The following PCNT variants were observed in gnomAD, a reference collection of about 807,000 sequenced individuals.
PCNT encodes kendrin.
Under a neutral mutation model 380.4 loss-of-function variants are expected in PCNT, and 319 were observed. The ratio of observed to expected loss-of-function variants is 0.84; its 90% CI spans 0.77 to 0.92. The LOEUF (loss-of-function observed/expected upper bound fraction) is 0.92. PCNT is among the 40% of genes least tolerant of loss of function. The pLI, the probability that PCNT is intolerant of heterozygous loss-of-function variation, is 0.00. For missense variants in PCNT, 4,400 were observed against 4,255.3 expected (o/e 1.03, Z -0.95); for synonymous variants, 1,845 against 1,735.2 (o/e 1.06, Z -1.57).
Position 46,398,217 on chromosome 21 carries a change from T to C in PCNT, c.4564-18T>C, listed in dbSNP as rs2086272351. The C allele has an allele frequency of 3.1e-6, 5 of 1,608,676 alleles. No homozygotes were observed. Among genetic ancestry groups the C allele is most frequent in the South Asian group, 1.1e-5 (1 of 90,288 alleles). On this transcript the variant is annotated intron_variant, in intron 23 of 46. Transcript: ENST00000359568. ...ACTTTCTTTAAATTTTTGCCTTCCA[T>C]GTACATGAAATCGGCAGCAGGCGCC... is the stretch of plus-strand genomic sequence containing the variant.
At chr21:46,338,436 G>A (rs1474473871) in intron 3 of PCNT, among the ~76,000 whole-genome samples, 1 of 152,130 alleles carries the variant, frequency 6.6e-6, no homozygotes, top group Non-Finnish European at 1.5e-5. Flanking sequence ...AAATCACTTA[G>A]CAAAATGAGT....
At chr21:46,384,799 A>G (rs1048369455) in intron 16 of PCNT, among the ~76,000 whole-genome samples, 1 of 150,634 alleles carries the variant, frequency 6.6e-6, no homozygotes, top group Non-Finnish European at 1.5e-5. Context: ...AAGTGCATTC[A>G]TGGTGTTGTG....
intron 8 of PCNT, among the ~76,000 whole-genome samples, chr21:46,350,277 AC>A (rs1429598725): frequency 1.4e-4 from 22 of 152,264 alleles, no homozygotes; most frequent in African/African-American, 5.3e-4. Context: ...TTTAATAATT[AC>A]GTTCAATCTT....
At chr21:46,368,448 A>G (rs77174413) in intron 15 of PCNT, among the ~76,000 whole-genome samples, 1 of 141,190 alleles carries the variant, frequency 7.1e-6, no homozygotes, top group Non-Finnish European at 1.5e-5. Context: ...ACTCTGTCTC[A>G]AAAAAAAAAA....
rs117450470 is a variant in PCNT, at chr21:46,422,919, A to G, written c.7179+795A>G. Among the ~76,000 whole-genome samples, 1,035 of 152,254 alleles carry G rather than the reference A, an allele frequency of 6.8e-3. 8 individuals carry two copies. The highest frequency in any genetic ancestry group is 0.011 in the Non-Finnish European group (727 of 68,024). On this transcript the variant is annotated intron_variant, in intron 32 of 46. Coordinates refer to ENST00000359568, the MANE Select transcript of PCNT (RefSeq NM_006031.6). ...GTTTCCAAAACCCATCCATGACGTTAAGTGAGGACTTACTGCATTCAGAAT... is the reference window on the plus strand; with the variant it reads ...GTTTCCAAAACCCATCCATGACGTTGAGTGAGGACTTACTGCATTCAGAAT...
At chr21:46,434,555 G>A (rs1418544131) in intron 38 of PCNT, among the ~76,000 whole-genome samples, 2 of 152,234 alleles carry the variant, frequency 1.3e-5, no homozygotes, top group African/African-American at 2.4e-5. Flanking sequence ...AGGCTGCTTC[G>A]TCCTTCCTTG....
In PCNT at chr21:46,363,863, C is replaced by A. The variant is rs1011131062; in HGVS notation, c.2538C>A (p.Ala846=). ...CSQCGREPPT[A]QDGELAALHV... Reference sequence around the variant, plus strand: ...AGTGTGGGCGGGAGCCGCCCACAGCCCAGGACGGGGAGCTTGCTGCGCTCC... The same window carrying A: ...AGTGTGGGCGGGAGCCGCCCACAGCACAGGACGGGGAGCTTGCTGCGCTCC... The change falls in exon 14 of 47, where the codon GCC becomes GCA. Residue 846 remains alanine (A), a synonymous_variant. Transcript: ENST00000359568. 6.2e-7 allele frequency: 1 copy of A among 1,612,394 alleles called. No individual in the cohort carries two copies. The highest frequency in any genetic ancestry group is 8.5e-7 in the Non-Finnish European group (1 of 1,179,372).
intron 29 of PCNT, among the ~76,000 whole-genome samples, chr21:46,415,636 G>C (rs899067158): frequency 3.9e-5 from 6 of 152,066 alleles, no homozygotes; most frequent in African/African-American, 1.4e-4. Flanking sequence ...ACCTGTCTCA[G>C]CCTCCCAAAA....
chr21:46,383,778 G>A (rs556512590), intron 16 of PCNT, among the ~76,000 whole-genome samples: 44 of 111,434 alleles, frequency 3.9e-4, no homozygotes, highest in African/African-American at 1.0e-3. Context: ...GCGCATTCAC[G>A]GTGTTGTGCG....
In PCNT at chr21:46,412,111, C is replaced by G. The variant is rs1451988287; in HGVS notation, c.5994+44C>G. 5 of 1,580,770 alleles carry G rather than the reference C, an allele frequency of 3.2e-6. No individual in the cohort carries two copies. The African/African-American group carries it at 6.7e-5, about 21-fold the overall frequency. On this transcript the variant is annotated intron_variant, in intron 28 of 46. Transcript: ENST00000359568. ...CCATGGCAGGGTATTTTTTTTTACT[C>G]TCCTTTTCTCCTTTGATGTCAATGA...
At position 46,366,731 on chromosome 21, in the gene PCNT, C is replaced by T. The variant is rs201430008; in HGVS notation, c.2757C>T (p.Leu919=). 63 of 1,613,586 alleles carry T rather than the reference C, an allele frequency of 3.9e-5. No homozygotes were observed. The highest frequency in any genetic ancestry group is 1.2e-4 in the African/African-American group (9 of 75,060). ...QQQLLSVTAE[L]EARHQAALGE... ...AGCTCCTGTCAGTGACGGCGGAGCT[C>T]GAGGCCAGACACCAGGCCGCGTTGG... Residue 919 remains leucine, a synonymous_variant, in exon 15 of 47, where the codon CTC becomes CTT. Coordinates refer to ENST00000359568, the MANE Select transcript of PCNT (RefSeq NM_006031.6).
chr21:46,388,839 G>C lies in PCNT; in HGVS notation c.3562G>C (p.Gly1188Arg). 1.2e-6 allele frequency: 2 copies of C among 1,611,862 alleles called. No homozygotes were observed. The highest frequency in any genetic ancestry group is 1.7e-6 in the Non-Finnish European group (2 of 1,179,938). Residue 1188 changes from glycine (G) to arginine (R), a missense_variant, in exon 18 of 47, where the codon GGG becomes CGG. By Grantham distance (125) the Gly-to-Arg change is moderately radical. Transcript: ENST00000359568. This position sits in a 1 kb window ranked among gnomAD's most constrained non-coding sequence, Gnocchi z 4.2. ...GAGGAGCCGGATCGGGGAGCGCGTG[G>C]GGCTCTGCCTGGATGACGCGGGCGC... is the stretch of plus-strand genomic sequence containing the variant. Reference protein sequence around the residue: ...TLRSRIGERVGLCLDDAGAGL... With the variant: ...TLRSRIGERVRLCLDDAGAGL...
intron 43 of PCNT, 151 bp downstream of exon 43, chr21:46,441,235 A>G (rs758126129): frequency 5.8e-6 from 4 of 687,032 alleles, no homozygotes; most frequent in Non-Finnish European, 1.1e-5. Context: ...GAGAAAATAC[A>G]GATGATGAAC....
rs186664577 is a variant in PCNT at position 46,401,307 on chromosome 21, C to T, written c.4792-244C>T. Among the ~76,000 whole-genome samples the T allele has an allele frequency of 4.6e-5, 7 of 152,244 alleles. No homozygotes were observed. The East Asian group carries it at 1.4e-3, about 29-fold the overall frequency. On this transcript the variant is annotated intron_variant, in intron 25 of 46. Coordinates refer to ENST00000359568, the MANE Select transcript of PCNT (RefSeq NM_006031.6). ...GGTGAATATTACTGTAGATAAATTCCTCACAGTGGACTCGGGCACAGGCTG... is the reference window on the plus strand; with the variant it reads ...GGTGAATATTACTGTAGATAAATTCTTCACAGTGGACTCGGGCACAGGCTG...
intron 27 of PCNT, among the ~76,000 whole-genome samples, chr21:46,404,921 C>G (rs2086579726): frequency 6.6e-6 from 1 of 152,078 alleles, no homozygotes; most frequent in South Asian, 2.1e-4. Flanking sequence ...GGCAACAAAG[C>G]AAGACCCTGT....
rs577180857 is a variant in PCNT, at chr21:46,401,346, C to T, written c.4792-205C>T. Among the ~76,000 whole-genome samples the T allele has an allele frequency of 2.2e-4, 34 of 152,310 alleles. No individual in the cohort carries two copies. In the South Asian group the frequency reaches 5.6e-3, roughly 25 times the overall value. On this transcript the variant is annotated intron_variant, in intron 25 of 46. Transcript: ENST00000359568. ...GGGCACAGGCTGTGGCTCTCAGTCA[C>T]GTCCTGCACCAGGCAGGCCTCTGCT...
chr21:46,367,348 G>A (rs1229736425), intron 15 of PCNT, among the ~76,000 whole-genome samples: 7 of 140,202 alleles, frequency 5.0e-5, no homozygotes, highest in African/African-American at 1.3e-4. Flanking sequence ...TCACTCTTTC[G>A]CCAGGCTGGA....
In PCNT at chr21:46,363,739, C is replaced by T. The variant is rs766944068; in HGVS notation, c.2414C>T (p.Ala805Val). The T allele has an allele frequency of 3.7e-6, 6 of 1,614,096 alleles. No individual in the cohort carries two copies. In the African/African-American group the frequency reaches 8.0e-5, roughly 22 times the overall value. The change falls in exon 14 of 47, where the codon GCC becomes GTC. Residue 805 changes from alanine (A) to valine (V), a missense_variant. Coordinates refer to ENST00000359568, the MANE Select transcript of PCNT (RefSeq NM_006031.6). ...EMRQLQDQQAAQILDLERSLT... is the reference protein window; with the variant it reads ...EMRQLQDQQAVQILDLERSLT... ...AGGCAGCTTCAGGACCAACAGGCAGCCCAGATCCTGGATCTGGAGAGGTCC... is the reference window on the plus strand; with the variant it reads ...AGGCAGCTTCAGGACCAACAGGCAGTCCAGATCCTGGATCTGGAGAGGTCC...
At chr21:46,325,963 G>A (rs2083382468) in intron 1 of PCNT, among the ~76,000 whole-genome samples, 1 of 152,178 alleles carries the variant, frequency 6.6e-6, no homozygotes, top group African/African-American at 2.4e-5. Flanking sequence ...AGGAAGTTTT[G>A]GCTGGGCTAT....
Sources: gnomAD v4.1 joint callset for allele counts (sites outside exome capture counted in the v4.1 genomes callset) on GRCh38, gnomAD v4.1.1 for gene constraint, Gnocchi (gnomAD v3.1) non-coding constraint, MANE v1.5 for transcripts, NCBI Gene and HGNC (gene_info 2026-07-23, HGNC 2026-07-21) for gene names.